Variants in MMP17 observed in about 807,000 individuals in gnomAD.
MMP17 encodes matrix metalloproteinase-17.
A neutral mutation model predicts 49.1 loss-of-function variants in MMP17; 54 were observed. That is an observed-to-expected ratio of 1.10 (90% confidence interval 0.88 to 1.38). The LOEUF (loss-of-function observed/expected upper bound fraction) is 1.38, where lower values mean the gene tolerates loss of function less well. Ranked by LOEUF, MMP17 falls within the 40% of genes most tolerant of loss-of-function variation. The probability of loss-of-function intolerance (pLI) is 0.00; values close to 1 mark genes in which losing one functional copy is unlikely to be tolerated. For synonymous variants in MMP17, 397 were observed against 383.1 expected, an observed-to-expected ratio of 1.04 and a Z score of -0.42; for missense variants, 837 against 853.7, an observed-to-expected ratio of 0.98 and a Z score of 0.24.
intron 8 of MMP17, among the ~76,000 whole-genome samples, chr12:131,847,141 A>C (rs540153653): frequency 1.3e-5 from 2 of 150,978 alleles, no homozygotes; most frequent in Non-Finnish European, 2.9e-5. Context: ...TGTCACGCGC[A>C]GTGGCTCACG....
In MMP17 at chr12:131,851,160, G is replaced by A; in HGVS notation, c.1698G>A (p.Gly566=). ...ACGAGGTCTGCTCATGCACCTCTGGGGCATCCTCTCCCCCGGGGGCCCCAG... is the reference window on the plus strand; with the variant it reads ...ACGAGGTCTGCTCATGCACCTCTGGAGCATCCTCTCCCCCGGGGGCCCCAG... ...DGYEVCSCTS[G]ASSPPGAPGP... Residue 566 remains glycine, a synonymous_variant, in exon 10 of 10, where the codon GGG becomes GGA. Coordinates refer to ENST00000360564, the MANE Select transcript of MMP17 (RefSeq NM_016155.7). 1 of 1,522,938 alleles carries A rather than the reference G, an allele frequency of 6.6e-7. No individual in the cohort carries two copies. Among genetic ancestry groups the A allele is most frequent in the Non-Finnish European group, 8.8e-7 (1 of 1,132,608 alleles). The allele number at this position is 1,522,938 out of a possible 1,614,324, so 94.3% of individuals were successfully genotyped here.
At position 131,846,922 on chromosome 12, in the gene MMP17, C is replaced by T. The variant is rs537622990; in HGVS notation, c.1204+1473C>T. Reference sequence around the variant, plus strand: ...CTGCCCGGCCCTCAGCATTTGACTCCGTCACCCCCATCACCTGGGAGCCCT... The same window carrying T: ...CTGCCCGGCCCTCAGCATTTGACTCTGTCACCCCCATCACCTGGGAGCCCT... On this transcript the variant is annotated intron_variant, in intron 8 of 9. Transcript: ENST00000360564. The surrounding 1 kb of genome is among the most constrained non-coding windows in gnomAD (Gnocchi z 4.6). Among the ~76,000 whole-genome samples, 4 of 152,202 alleles carry T rather than the reference C, an allele frequency of 2.6e-5. No individual in the cohort carries two copies. The highest frequency in any genetic ancestry group is 6.5e-5 in the Admixed American group (1 of 15,292).
At chr12:131,833,071 T>C (rs1264006536) in intron 1 of MMP17, among the ~76,000 whole-genome samples, 2 of 152,240 alleles carry the variant, frequency 1.3e-5, no homozygotes, top group Non-Finnish European at 2.9e-5. Flanking sequence ...TGAGGATACA[T>C]GTCCGAACTC....
At chr12:131,844,947 TGGA>T in intron 6 of MMP17, 168 bp from the exon 7 acceptor site, 1 of 419,774 alleles carries the variant, frequency 2.4e-6, no homozygotes, top group Non-Finnish European at 4.0e-6. Flanking sequence ...GCTGAAGCGG[TGGA>T]CAGGCACCCC....
intron 1 of MMP17, among the ~76,000 whole-genome samples, chr12:131,834,380 C>T (rs1018554975): frequency 6.6e-6 from 1 of 152,202 alleles, no homozygotes; most frequent in African/African-American, 2.4e-5. Flanking sequence ...CTCTGTTGCC[C>T]TGGAGACAGC....
chr12:131,848,890 C>T lies in MMP17; in HGVS notation c.1205-912C>T, dbSNP rs115151944. Among the ~76,000 whole-genome samples, 1,410 of 152,336 alleles carry T rather than the reference C, an allele frequency of 9.3e-3. 23 individuals carry two copies. Among genetic ancestry groups the T allele is most frequent in the African/African-American group, 0.031 (1,297 of 41,576 alleles). On this transcript the variant is annotated intron_variant, in intron 8 of 9. Coordinates refer to ENST00000360564, the MANE Select transcript of MMP17 (RefSeq NM_016155.7). ...TGAGCGTGAGTGTGCAAACGTCTCT[C>T]CAAGACCCTGCTTTCGGTTCTTTTG...
chr12:131,843,878 C>G (rs1350792359), intron 5 of MMP17, 119 bp from the exon 6 acceptor site: 2 of 706,282 alleles, frequency 2.8e-6, no homozygotes, highest in Admixed American at 6.2e-5. Flanking sequence ...GCTGCGCCCC[C>G]ACAGAGCCTG....
intron 1 of MMP17, among the ~76,000 whole-genome samples, chr12:131,836,459 T>C (rs1455321560): frequency 2.8e-5 from 4 of 141,380 alleles, no homozygotes; most frequent in Non-Finnish European, 4.7e-5. Flanking sequence ...TCACAAGCAT[T>C]TTCTTTTTTC....
chr12:131,844,116 G>A (rs1257377697), intron 6 of MMP17, 35 bp downstream of exon 6: 1 of 1,507,422 alleles, frequency 6.6e-7, no homozygotes, highest in Non-Finnish European at 9.0e-7. Flanking sequence ...ACCCGCTGGG[G>A]TCTGTCTGTC....
chr12:131,847,478 G>A (rs1221288360), intron 8 of MMP17, among the ~76,000 whole-genome samples: 2 of 151,480 alleles, frequency 1.3e-5, no homozygotes, highest in African/African-American at 4.9e-5. Context: ...AAAATTACTT[G>A]CAAACCTCAT....
chr12:131,842,367 G>A (rs1381477701), intron 5 of MMP17, among the ~76,000 whole-genome samples: 1 of 152,212 alleles, frequency 6.6e-6, no homozygotes, highest in Non-Finnish European at 1.5e-5. Context: ...ACACCCTGCA[G>A]TAGTGCTGCC....
At chr12:131,831,761 T>A (rs1177103960) in intron 1 of MMP17, among the ~76,000 whole-genome samples, 2 of 126,824 alleles carry the variant, frequency 1.6e-5, no homozygotes, top group Non-Finnish European at 3.2e-5. Context: ...GAGGACAGGC[T>A]GCCGTGCGAT....
In MMP17 at chr12:131,838,318, G is replaced by C. The variant is rs138719558; in HGVS notation, c.283G>C (p.Gly95Arg). 2 of 1,612,734 alleles carry C rather than the reference G, an allele frequency of 1.2e-6. No individual in the cohort carries two copies. Among genetic ancestry groups the C allele is most frequent in the Admixed American group, 1.7e-5 (1 of 59,932 alleles). ...MQQFGGLEAT[G>R]ILDEATLALM... ...GCAGTTTGGTGGCCTGGAGGCCACC[G>C]GCATCCTGGGTCAGTTCTCCAGGGG... Residue 95 changes from glycine (G) to arginine (R), a missense_variant, in exon 2 of 10, where the codon GGC becomes CGC. Transcript: ENST00000360564.
intron 1 of MMP17, among the ~76,000 whole-genome samples, chr12:131,830,968 C>G (rs1281945350): frequency 6.6e-6 from 1 of 152,210 alleles, no homozygotes; most frequent in Non-Finnish European, 1.5e-5. Context: ...CCCAGGGTCT[C>G]CACAGGCGTC....
At chr12:131,850,790 C>T (rs1887932623) in intron 9 of MMP17, 135 bp from the exon 10 acceptor site, 1 of 563,942 alleles carries the variant, frequency 1.8e-6, no homozygotes. Flanking sequence ...CTTGTGCAAG[C>T]CCCCTGCTGT....
intron 1 of MMP17, among the ~76,000 whole-genome samples, chr12:131,830,868 TC>T (rs1303762380): frequency 1.3e-5 from 2 of 151,806 alleles, no homozygotes; most frequent in African/African-American, 2.4e-5. Flanking sequence ...GAGCGCACTG[TC>T]CCCCCGGGGG....
chr12:131,835,461 C>T (rs1474749851), intron 1 of MMP17, among the ~76,000 whole-genome samples: 1 of 152,236 alleles, frequency 6.6e-6, no homozygotes, highest in African/African-American at 2.4e-5. Flanking sequence ...TCCTGAAATG[C>T]ATGTGGCCTC....
chr12:131,838,660 A>G lies in MMP17; in HGVS notation c.341A>G (p.Asp114Gly). ...AAAACCCCACGCTGCTCCCTGCCAG[A>G]CCTCCCTGTCCTGACCCAGGCTCGC... The part of the protein sequence containing the change: ...LMKTPRCSLP[D>G]LPVLTQARRR... Residue 114 changes from aspartate to glycine, a missense_variant, in exon 3 of 10, where the codon GAC (aspartate) becomes GGC (glycine). Transcript: ENST00000360564. The G allele has an allele frequency of 6.2e-7, 1 of 1,610,824 alleles. No homozygotes were observed. The highest frequency in any genetic ancestry group is 1.1e-5 in the South Asian group (1 of 90,724).
At chr12:131,834,071 CA>C (rs1186724874) in intron 1 of MMP17, among the ~76,000 whole-genome samples, 1 of 152,256 alleles carries the variant, frequency 6.6e-6, no homozygotes, top group African/African-American at 2.4e-5. Context: ...GCGTCAGAGT[CA>C]GGGGCTGTGG....
Sources: gnomAD v4.1 joint callset for allele counts (sites outside exome capture counted in the v4.1 genomes callset) on GRCh38, gnomAD v4.1.1 for gene constraint, Gnocchi (gnomAD v3.1) non-coding constraint, MANE v1.5 for transcripts, NCBI Gene and HGNC (gene_info 2026-07-23, HGNC 2026-07-21) for gene names.